RCOR1: variants seen among roughly 807,000 people sequenced by gnomAD.
RCOR1 encodes REST corepressor.
A neutral mutation model predicts 64.0 loss-of-function variants in RCOR1; 12 were observed. The ratio of observed to expected loss-of-function variants is 0.19; its 90% CI spans 0.12 to 0.30. The LOEUF (loss-of-function observed/expected upper bound fraction) is 0.30, where lower values mean the gene tolerates loss of function less well. Among genes scored for constraint, RCOR1 ranks in the 10% least tolerant of loss-of-function variants. The pLI is 1.00. For synonymous variants in RCOR1, 279 were observed against 227.2 expected, an observed-to-expected ratio of 1.23 and a Z score of -2.05; for missense variants, 502 against 621.2, an observed-to-expected ratio of 0.81 and a Z score of 2.04.
intron 2 of RCOR1, among the ~76,000 whole-genome samples, chr14:102,644,344 A>C (rs1894436352): frequency 6.6e-6 from 1 of 152,224 alleles, no homozygotes; most frequent in Non-Finnish European, 1.5e-5. Context: ...AGTCAGCTTC[A>C]AGGGCAGGGA....
At chr14:102,706,850 T>C (rs1895869190) in intron 4 of RCOR1, among the ~76,000 whole-genome samples, 1 of 150,888 alleles carries the variant, frequency 6.6e-6, no homozygotes, top group African/African-American at 2.4e-5. Flanking sequence ...TAATAATAAA[T>C]TTTTTAAAAT....
In RCOR1 at chr14:102,655,532, C is replaced by T. The variant is rs915919259; in HGVS notation, c.362-26363C>T. On this transcript the variant is annotated intron_variant, in intron 2 of 11. Coordinates refer to ENST00000262241, the MANE Select transcript of RCOR1 (RefSeq NM_015156.4). ...CTGCTTTAGGTATCTATTAATAGTT[C>T]AGAAAGTTGCGAAGATTACAAGCTC... is the stretch of plus-strand genomic sequence containing the variant. 11 of 960,054 alleles carry T rather than the reference C, an allele frequency of 1.1e-5. No homozygotes were observed. The African/African-American group carries it at 1.9e-4, about 17-fold the overall frequency. 59.5% of individuals were successfully genotyped at this position (960,054 alleles called of 1,614,324 possible). A position where few individuals can be genotyped will look rare whatever the true frequency, so the allele number is the denominator to read the frequency against.
At chr14:102,667,396 G>A (rs1425399031) in intron 2 of RCOR1, among the ~76,000 whole-genome samples, 3 of 152,056 alleles carry the variant, frequency 2.0e-5, no homozygotes. Context: ...AGCTGCTCGG[G>A]AGGCTGAAGG....
At chr14:102,652,104 T>C (rs1383118786) in intron 2 of RCOR1, among the ~76,000 whole-genome samples, 1 of 152,244 alleles carries the variant, frequency 6.6e-6, no homozygotes, top group Non-Finnish European at 1.5e-5. Context: ...AGTGTCCTTA[T>C]GATTGAATCT....
At chr14:102,615,249 C>T (rs1237452184) in intron 2 of RCOR1, among the ~76,000 whole-genome samples, 1 of 148,254 alleles carries the variant, frequency 6.7e-6, no homozygotes. Flanking sequence ...TCTTCTGCTT[C>T]AGCCTCCCAA....
intron 2 of RCOR1, among the ~76,000 whole-genome samples, chr14:102,638,501 A>G (rs1216643298): frequency 6.6e-6 from 1 of 151,748 alleles, no homozygotes; most frequent in African/African-American, 2.4e-5. Context: ...CCCTGCCACC[A>G]TGCCCAGCTC....
intron 2 of RCOR1, among the ~76,000 whole-genome samples, chr14:102,642,768 C>T (rs908731716): frequency 2.0e-5 from 3 of 152,030 alleles, no homozygotes; most frequent in Non-Finnish European, 4.4e-5. Context: ...CCCAGGAAGT[C>T]GAGGCTGTGG....
chr14:102,722,721 A>C (rs1398103552), intron 11 of RCOR1, among the ~76,000 whole-genome samples: 2 of 152,142 alleles, frequency 1.3e-5, no homozygotes, highest in Non-Finnish European at 2.9e-5. Context: ...AAGACAGGGG[A>C]GTGGGGGCAT....
At chr14:102,695,079 G>A (rs1312781201) in intron 3 of RCOR1, among the ~76,000 whole-genome samples, 2 of 152,174 alleles carry the variant, frequency 1.3e-5, no homozygotes, top group Non-Finnish European at 2.9e-5. Flanking sequence ...CTAGGGGGAG[G>A]GAAGGGTGAG....
chr14:102,708,968 C>G (rs1362383254), intron 6 of RCOR1, among the ~76,000 whole-genome samples: 1 of 151,466 alleles, frequency 6.6e-6, no homozygotes, highest in African/African-American at 2.4e-5. Flanking sequence ...GTTGCTGCTT[C>G]TTTTTTTGAC....
chr14:102,682,486 T>C (rs1389090972), intron 3 of RCOR1, among the ~76,000 whole-genome samples: 1 of 152,224 alleles, frequency 6.6e-6, no homozygotes, highest in Non-Finnish European at 1.5e-5. Context: ...TCTGCCTCCC[T>C]GTAATTTGTA....
At chr14:102,599,469 T>A (rs1045463312) in intron 2 of RCOR1, among the ~76,000 whole-genome samples, 1 of 152,174 alleles carries the variant, frequency 6.6e-6, no homozygotes, top group East Asian at 1.9e-4. Context: ...TTATTCTCTT[T>A]ATACACGTCC....
intron 3 of RCOR1, among the ~76,000 whole-genome samples, chr14:102,698,360 C>T (rs1895686970): frequency 1.3e-5 from 2 of 152,192 alleles, no homozygotes; most frequent in Non-Finnish European, 1.5e-5. Context: ...AGGACTAGCC[C>T]CTGTGCTGGG....
chr14:102,685,078 G>GT (rs1252830921), intron 3 of RCOR1, among the ~76,000 whole-genome samples: 12 of 147,924 alleles, frequency 8.1e-5, no homozygotes, highest in South Asian at 2.1e-4. Flanking sequence ...GTGTGTGTGT[G>GT]TTTTTTTTTT....
intron 2 of RCOR1, among the ~76,000 whole-genome samples, chr14:102,600,769 A>G (rs1893377251): frequency 6.6e-6 from 1 of 150,906 alleles, no homozygotes; most frequent in Non-Finnish European, 1.5e-5. Context: ...ATGGGGTTTC[A>G]CCATGTTAGC....
chr14:102,726,718 C>T lies in RCOR1; in HGVS notation c.*212C>T. On this transcript the variant is annotated 3_prime_UTR_variant, in exon 12 of 12. Transcript: ENST00000262241. ...CACTTCCCAGAGAGCTCCACTGCAT[C>T]TCACACTCTGCCCACGTGCTGGGGA... is the stretch of plus-strand genomic sequence containing the variant. 1 of 553,440 alleles carries T rather than the reference C, an allele frequency of 1.8e-6. No individual in the cohort carries two copies. The highest frequency in any genetic ancestry group is 3.1e-6 in the Non-Finnish European group (1 of 318,396). 34.3% of individuals were successfully genotyped at this position (553,440 alleles called of 1,614,324 possible). A position where few individuals can be genotyped will look rare whatever the true frequency, so the allele number is the denominator to read the frequency against.
chr14:102,691,223 C>T (rs1449463097), intron 3 of RCOR1, among the ~76,000 whole-genome samples: 1 of 152,050 alleles, frequency 6.6e-6, no homozygotes, highest in African/African-American at 2.4e-5. Flanking sequence ...AAACAAATAC[C>T]ACATATTCTC....
At chr14:102,666,287 G>A (rs1894915600) in intron 2 of RCOR1, among the ~76,000 whole-genome samples, 2 of 152,162 alleles carry the variant, frequency 1.3e-5, no homozygotes, top group South Asian at 4.1e-4. Context: ...CATGCCATGG[G>A]TTTTTTCCCT....
chr14:102,658,386 C>T (rs527350551), intron 2 of RCOR1: 1 of 342,662 alleles, frequency 2.9e-6, no homozygotes, highest in Non-Finnish European at 4.1e-6. Context: ...GGCAGATCAC[C>T]TGAGGCATGA....
Sources: allele counts gnomAD v4.1 joint callset (sites outside exome capture counted in the v4.1 genomes callset), GRCh38; gene constraint gnomAD v4.1.1; transcripts MANE v1.5; gene names NCBI Gene and HGNC (gene_info 2026-07-23, HGNC 2026-07-21).